Variants in NTM observed in about 807,000 individuals in gnomAD.
NTM encodes the protein IgLON family member 2.
A neutral mutation model predicts 42.1 loss-of-function variants in NTM; 13 were observed. That is an observed-to-expected ratio of 0.31 (90% CI 0.20 to 0.49). NTM has a LOEUF of 0.49. Among genes scored for constraint, NTM ranks in the 20% least tolerant of loss-of-function variants. The pLI is 0.99. For missense variants in NTM, 373 were observed against 452.8 expected, an observed-to-expected ratio of 0.82 and a Z score of 1.60; for synonymous variants, 187 against 179.2, an observed-to-expected ratio of 1.04 and a Z score of -0.35.
intron 1 of NTM, among the ~76,000 whole-genome samples, chr11:131,392,190 G>T (rs530501502): frequency 1.1e-3 from 174 of 152,308 alleles, no homozygotes; most frequent in Non-Finnish European, 2.1e-3. Context: ...GTTTCAATAC[G>T]CATTGACTCT....
chr11:132,040,818 C>A (rs118155277), intron 2 of NTM, among the ~76,000 whole-genome samples: 1 of 152,168 alleles, frequency 6.6e-6, no homozygotes, highest in African/African-American at 2.4e-5. Context: ...TTTATCTGTG[C>A]ATGTTCTTTG....
intron 4 of NTM, among the ~76,000 whole-genome samples, chr11:132,299,375 GTTGT>G (rs1244410328): frequency 6.6e-6 from 1 of 152,016 alleles, no homozygotes; most frequent in Non-Finnish European, 1.5e-5. Context: ...GAACATGGAA[GTTGT>G]TTGAGGAAGG....
At chr11:131,871,255 C>T (rs1007597151) in intron 1 of NTM, among the ~76,000 whole-genome samples, 65 of 152,314 alleles carry the variant, frequency 4.3e-4, no homozygotes, top group African/African-American at 1.5e-3. Context: ...TGCTCAGTCG[C>T]CCAGCCCAGG....
chr11:131,610,611 T>C (rs1327081558), intron 1 of NTM, among the ~76,000 whole-genome samples: 1 of 152,048 alleles, frequency 6.6e-6, no homozygotes, highest in African/African-American at 2.4e-5. Flanking sequence ...TAACCTGACT[T>C]AGGGTTTAAG....
rs1448040925 is a variant in NTM at position 132,330,133 on chromosome 11, T to C, written c.935-20T>C. On this transcript the variant is annotated intron_variant, in intron 7 of 8. Coordinates refer to ENST00000683400, the MANE Select transcript of NTM (RefSeq NM_001352005.2). ...GTCTGCTTTCGACCTTAACAGTGGC[T>C]TGTTTTTAATTTCTTTTAGAAGTGA... 2 of 1,551,684 alleles carry C rather than the reference T, an allele frequency of 1.3e-6. No homozygotes were observed. The highest frequency in any genetic ancestry group is 1.4e-5 in the African/African-American group (1 of 73,172).
chr11:131,412,873 G>A (rs1946568730), intron 1 of NTM, among the ~76,000 whole-genome samples: 1 of 152,072 alleles, frequency 6.6e-6, no homozygotes, highest in Non-Finnish European at 1.5e-5. Flanking sequence ...GCTTTCTGCT[G>A]AATCGTTTAA....
intron 3 of NTM, among the ~76,000 whole-genome samples, chr11:132,183,322 A>C (rs556800460): frequency 2.0e-5 from 3 of 152,272 alleles, no homozygotes; most frequent in South Asian, 4.2e-4. Flanking sequence ...GCAGTGACCA[A>C]ACAGGCTCAG....
intron 2 of NTM, among the ~76,000 whole-genome samples, chr11:131,950,071 G>A (rs2060806868): frequency 6.6e-6 from 1 of 152,158 alleles, no homozygotes; most frequent in East Asian, 1.9e-4. Flanking sequence ...CATTATTGGT[G>A]GATTGACTTT....
At chr11:131,873,537 T>TGTGTATATATATACATATATATATACC (rs1565657182) in intron 1 of NTM, among the ~76,000 whole-genome samples, 5 of 72,146 alleles carry the variant, frequency 6.9e-5, no homozygotes, top group African/African-American at 1.9e-4. Flanking sequence ...TGTGTGTGTG[T>TGTGTATATATATACATATATATATACC]GTATATATAT....
chr11:132,266,248 C>T (rs73042071), intron 4 of NTM, among the ~76,000 whole-genome samples: 1,655 of 152,206 alleles, frequency 0.011, 15 homozygotes, highest in Middle Eastern at 0.027. Context: ...ATTAACTCTC[C>T]GCAAGTCCAG....
intron 1 of NTM, among the ~76,000 whole-genome samples, chr11:131,498,071 C>T (rs1454955694): frequency 2.0e-5 from 3 of 152,222 alleles, no homozygotes; most frequent in Non-Finnish European, 4.4e-5. Context: ...CTCCGTTTCT[C>T]CATCGCTCCA....
intron 1 of NTM, among the ~76,000 whole-genome samples, chr11:131,500,472 C>T (rs1391363193): frequency 1.3e-5 from 2 of 149,918 alleles, no homozygotes; most frequent in African/African-American, 4.9e-5. Flanking sequence ...CTATTACCTT[C>T]ATTTTACAGA....
chr11:131,833,210 A>T (rs1283016569), intron 1 of NTM, among the ~76,000 whole-genome samples: 1 of 152,214 alleles, frequency 6.6e-6, no homozygotes, highest in Admixed American at 6.5e-5. Context: ...ATTGTGGTGC[A>T]GTGGAAAGGT....
At chr11:132,155,412 T>C (rs1453577230) in intron 3 of NTM, among the ~76,000 whole-genome samples, 1 of 152,162 alleles carries the variant, frequency 6.6e-6, no homozygotes, top group Non-Finnish European at 1.5e-5. Flanking sequence ...TCTTTTTCTG[T>C]CTTCTTTCTA....
chr11:132,324,843 C>G (rs1464265004), intron 7 of NTM, among the ~76,000 whole-genome samples: 1 of 150,290 alleles, frequency 6.7e-6, no homozygotes, highest in Non-Finnish European at 1.5e-5. Context: ...TGGAACAGAA[C>G]AGAGCCCTGA....
chr11:131,504,529 C>T (rs1210060742), intron 1 of NTM, among the ~76,000 whole-genome samples: 1 of 152,172 alleles, frequency 6.6e-6, no homozygotes, highest in East Asian at 1.9e-4. Context: ...CCGTTTCCAG[C>T]TCCAAATAGA....
intron 1 of NTM, among the ~76,000 whole-genome samples, chr11:131,699,765 G>A (rs2075868944): frequency 6.6e-6 from 1 of 152,122 alleles, no homozygotes; most frequent in Non-Finnish European, 1.5e-5. Context: ...CAGATCTCAT[G>A]AGAACAGCAT....
intron 4 of NTM, among the ~76,000 whole-genome samples, chr11:132,213,143 T>G (rs1006238365): frequency 7.9e-5 from 12 of 152,122 alleles, no homozygotes; most frequent in African/African-American, 2.9e-4. Flanking sequence ...AATGTGTGTA[T>G]GTGATTATGT....
chr11:131,645,821 G>A (rs2065707524), intron 1 of NTM, among the ~76,000 whole-genome samples: 1 of 152,170 alleles, frequency 6.6e-6, no homozygotes. Context: ...GTTATATGGA[G>A]CATATGGAAT....
Sources: allele counts gnomAD v4.1 joint callset (sites outside exome capture counted in the v4.1 genomes callset), GRCh38; gene constraint gnomAD v4.1.1; transcripts MANE v1.5; gene names NCBI Gene and HGNC (gene_info 2026-07-23, HGNC 2026-07-21).